The following ALK variants were observed in gnomAD, a reference collection of about 807,000 sequenced individuals.
The protein encoded by ALK is ALK tyrosine kinase receptor.
In ALK, 74 loss-of-function variants were observed where a neutral mutation model predicts 163.1. That is an observed-to-expected ratio of 0.45 (90% confidence interval 0.38 to 0.55). The LOEUF is 0.55. Among genes scored for constraint, ALK ranks in the 20% least tolerant of loss-of-function variants. ALK has a pLI of 0.00. For missense variants in ALK, 2,063 were observed against 2,105.3 expected (o/e 0.98, Z 0.39); for synonymous variants, 960 against 843.2 (o/e 1.14, Z -2.40).
chr2:29,348,668 G>A (rs1338310639), intron 5 of ALK, among the ~76,000 whole-genome samples: 1 of 152,212 alleles, frequency 6.6e-6, no homozygotes. Context: ...TTTGACACAT[G>A]TTATGAAATT....
At chr2:29,857,648 A>T (rs889895739) in intron 1 of ALK, among the ~76,000 whole-genome samples, 11 of 152,216 alleles carry the variant, frequency 7.2e-5, no homozygotes, top group African/African-American at 2.7e-4. Flanking sequence ...CATGCATGTA[A>T]GAATAAAGAG....
rs140100925 is a variant in ALK at position 29,639,893 on chromosome 2, C to T, written c.952+54957G>A. ...TTCAGGTCCAGGGTTTGCATGATTT[C>T]ATCCACATATCCTCCCAGAGTAACA... On this transcript the variant is annotated intron_variant, in intron 3 of 28. Transcript: ENST00000389048. Among the ~76,000 whole-genome samples the T allele has an allele frequency of 4.4e-4, 67 of 152,324 alleles. No individual in the cohort carries two copies. The East Asian group carries it at 0.012, about 26-fold the overall frequency.
intron 2 of ALK, among the ~76,000 whole-genome samples, chr2:29,714,563 G>A (rs181097768): frequency 2.6e-5 from 4 of 152,178 alleles, no homozygotes; most frequent in East Asian, 1.9e-4. Context: ...GGACACCTGC[G>A]GTCAGGTTGT....
intron 4 of ALK, among the ~76,000 whole-genome samples, chr2:29,413,196 C>T (rs558251461): frequency 1.1e-4 from 17 of 152,252 alleles, no homozygotes; most frequent in South Asian, 1.0e-3. Flanking sequence ...CAAGAGAAAA[C>T]GACACCATCA....
chr2:29,526,503 G>C (rs1672963732), intron 4 of ALK, among the ~76,000 whole-genome samples: 1 of 152,148 alleles, frequency 6.6e-6, no homozygotes, highest in Admixed American at 6.5e-5. Context: ...AAATCACCTA[G>C]ACATTAAAGG....
intron 13 of ALK, among the ~76,000 whole-genome samples, chr2:29,235,435 G>C (rs989762013): frequency 6.6e-6 from 1 of 152,062 alleles, no homozygotes; most frequent in South Asian, 2.1e-4. Context: ...TGGATTTAAC[G>C]ATGGAAATAA....
intron 1 of ALK, among the ~76,000 whole-genome samples, chr2:29,898,977 T>A (rs1252111394): frequency 1.3e-5 from 2 of 152,176 alleles, no homozygotes; most frequent in Non-Finnish European, 2.9e-5. Context: ...AGCCTCTGCT[T>A]TTTTTCAGAT....
At chr2:29,297,170 TG>T (rs1157816195) in intron 8 of ALK, 113 bp from the exon 9 acceptor site, 1 of 1,255,740 alleles carries the variant, frequency 8.0e-7, no homozygotes, top group Non-Finnish European at 1.1e-6. Context: ...GAGTTCAGCC[TG>T]GTGAGAAGAG....
intron 1 of ALK, among the ~76,000 whole-genome samples, chr2:29,750,425 G>A (rs2148330453): frequency 6.6e-6 from 1 of 152,232 alleles, no homozygotes; most frequent in Non-Finnish European, 1.5e-5. Context: ...AACCTTTGGA[G>A]GCCAAGGTGG....
intron 1 of ALK, among the ~76,000 whole-genome samples, chr2:29,865,363 A>G (rs1666405973): frequency 6.6e-6 from 1 of 152,226 alleles, no homozygotes; most frequent in Non-Finnish European, 1.5e-5. Flanking sequence ...GGGTCCCCAG[A>G]GCACACTGAA....
At chr2:29,867,844 T>C (rs925085974) in intron 1 of ALK, among the ~76,000 whole-genome samples, 15 of 152,176 alleles carry the variant, frequency 9.9e-5, no homozygotes, top group Non-Finnish European at 1.5e-5. Context: ...GAGGATCAAG[T>C]CTCCTTGCTT....
At chr2:29,823,748 T>C (rs1665116035) in intron 1 of ALK, among the ~76,000 whole-genome samples, 2 of 152,180 alleles carry the variant, frequency 1.3e-5, no homozygotes. Flanking sequence ...TTAAAAACCA[T>C]TCAGTTTCAT....
chr2:29,501,354 T>C (rs996628020), intron 4 of ALK, among the ~76,000 whole-genome samples: 2 of 152,218 alleles, frequency 1.3e-5, no homozygotes, highest in Admixed American at 1.3e-4. Context: ...AGGTCATCTG[T>C]TACCTCTTAC....
chr2:29,701,649 C>A (rs1678739843), intron 2 of ALK, among the ~76,000 whole-genome samples: 1 of 152,128 alleles, frequency 6.6e-6, no homozygotes, highest in Non-Finnish European at 1.5e-5. Flanking sequence ...AGAGCCCTGA[C>A]CCCCATGGAG....
chr2:29,863,509 A>T (rs1167435737), intron 1 of ALK, among the ~76,000 whole-genome samples: 2 of 151,756 alleles, frequency 1.3e-5, no homozygotes, highest in African/African-American at 4.8e-5. Context: ...CAATAAGAAT[A>T]TTTTTTTTTA....
In ALK at chr2:29,584,015, T is replaced by C. The variant is rs1674799898; in HGVS notation, c.953-51899A>G. Among the ~76,000 whole-genome samples the C allele has an allele frequency of 1.3e-5, 2 of 152,184 alleles. 1 individual carries two copies. The highest frequency in any genetic ancestry group is 4.1e-4 in the South Asian group (2 of 4,828). On this transcript the variant is annotated intron_variant, in intron 3 of 28. Transcript: ENST00000389048. ...ACAATTAGCTTCTGTCTTTCTTGGATCTTAGCCCTGGAGCATAAGGGAGCA... is the reference window on the plus strand; with the variant it reads ...ACAATTAGCTTCTGTCTTTCTTGGACCTTAGCCCTGGAGCATAAGGGAGCA...
At chr2:29,528,923 G>A (rs1213383410) in intron 4 of ALK, among the ~76,000 whole-genome samples, 10 of 152,132 alleles carry the variant, frequency 6.6e-5, no homozygotes, top group Admixed American at 2.0e-4. Context: ...AGATGAGCAG[G>A]CTGGGCACTC....
chr2:29,740,722 C>T (rs1680035058), intron 1 of ALK, among the ~76,000 whole-genome samples: 1 of 152,204 alleles, frequency 6.6e-6, no homozygotes, highest in Non-Finnish European at 1.5e-5. Context: ...TGCTATTAGG[C>T]TAGGCGTGGT....
chr2:29,750,923 A>G (rs375268581), intron 1 of ALK, among the ~76,000 whole-genome samples: 9 of 152,070 alleles, frequency 5.9e-5, no homozygotes, highest in African/African-American at 2.2e-4. Context: ...TACAAAAATT[A>G]GCAGGGCATG....
Sources: allele counts gnomAD v4.1 joint callset (sites outside exome capture counted in the v4.1 genomes callset), GRCh38; gene constraint gnomAD v4.1.1; transcripts MANE v1.5; gene names NCBI Gene and HGNC (gene_info 2026-07-23, HGNC 2026-07-21).